RPS6KC1: variants seen among roughly 807,000 people sequenced by gnomAD.
RPS6KC1 encodes the protein ribosomal protein S6 kinase C1, also known as inactive ribosomal protein S6 kinase delta-1.
A neutral mutation model predicts 103.8 loss-of-function variants in RPS6KC1; 54 were observed. The ratio of observed to expected loss-of-function variants is 0.52; its 90% CI spans 0.42 to 0.65. The LOEUF is 0.65. Among genes scored for constraint, RPS6KC1 ranks in the 30% least tolerant of loss-of-function variants. The pLI, the probability that RPS6KC1 is intolerant of heterozygous loss-of-function variation, is 0.00. For missense variants in RPS6KC1, 1,151 were observed against 1,253.8 expected, an observed-to-expected ratio of 0.92 and a Z score of 1.24; for synonymous variants, 439 against 438.7, an observed-to-expected ratio of 1.00 and a Z score of -0.01.
At chr1:213,516,507 G>T in the RPS6KC1 span, among the ~76,000 whole-genome samples, 1 of 152,118 alleles carries the variant, frequency 6.6e-6, no homozygotes, top group African/African-American at 2.4e-5. Context: ...TTTGTCGTTG[G>T]TTCTGTTTAT....
At chr1:213,189,274 C>T (rs1317814533) in intron 8 of RPS6KC1, among the ~76,000 whole-genome samples, 1 of 151,836 alleles carries the variant, frequency 6.6e-6, no homozygotes, top group Admixed American at 6.6e-5. Context: ...CATGGTGAAA[C>T]CTTGTCTCTA....
chr1:213,523,929 T>G, the RPS6KC1 span, among the ~76,000 whole-genome samples: 1 of 151,962 alleles, frequency 6.6e-6, no homozygotes, highest in East Asian at 1.9e-4. Flanking sequence ...GGCAGACACA[T>G]GTTGCAGGCA....
chr1:213,598,734 A>G, the RPS6KC1 span, among the ~76,000 whole-genome samples: 9 of 152,224 alleles, frequency 5.9e-5, no homozygotes, highest in Admixed American at 5.9e-4. Context: ...CCTGGCCAAC[A>G]TGATGAAACC....
At chr1:213,105,217 T>A (rs2082362495) in intron 4 of RPS6KC1, among the ~76,000 whole-genome samples, 1 of 82,270 alleles carries the variant, frequency 1.2e-5, no homozygotes, top group African/African-American at 8.6e-5. Context: ...TCATTTTAAG[T>A]TTTTTTTTTT....
At chr1:213,483,244 T>G in the RPS6KC1 span, among the ~76,000 whole-genome samples, 1 of 152,024 alleles carries the variant, frequency 6.6e-6, no homozygotes, top group African/African-American at 2.4e-5. Context: ...AGCATGAGGG[T>G]AACCACCCCC....
At chr1:213,757,489 G>C in the RPS6KC1 span, among the ~76,000 whole-genome samples, 1 of 152,216 alleles carries the variant, frequency 6.6e-6, no homozygotes, top group Non-Finnish European at 1.5e-5. Context: ...TCAATTCGAT[G>C]AAGACTGGAG....
At chr1:213,705,913 A>C in the RPS6KC1 span, among the ~76,000 whole-genome samples, 17 of 152,198 alleles carry the variant, frequency 1.1e-4, 1 homozygote. Flanking sequence ...AGGGCTTCAC[A>C]ACTCTTACTG....
chr1:213,756,018 G>A, the RPS6KC1 span, among the ~76,000 whole-genome samples: 3,207 of 152,170 alleles, frequency 0.021, 115 homozygotes, highest in African/African-American at 0.073. Context: ...AATCACCACC[G>A]CTGGGCTTAC....
chr1:213,442,748 A>G, the RPS6KC1 span, among the ~76,000 whole-genome samples: 1 of 152,148 alleles, frequency 6.6e-6, no homozygotes, highest in Non-Finnish European at 1.5e-5. Context: ...TTGTTTCTGT[A>G]CACATCTCTT....
chr1:213,282,337 C>T, the RPS6KC1 span, among the ~76,000 whole-genome samples: 5 of 152,222 alleles, frequency 3.3e-5, no homozygotes, highest in Non-Finnish European at 5.9e-5. Flanking sequence ...GTTGTTGAGA[C>T]GGCTCCTTGT....
At chr1:213,745,870 A>G in the RPS6KC1 span, among the ~76,000 whole-genome samples, 1 of 152,196 alleles carries the variant, frequency 6.6e-6, no homozygotes, top group Admixed American at 6.5e-5. Flanking sequence ...GGAGAGGGGT[A>G]TGCGGATAAA....
chr1:213,284,173 T>C, the RPS6KC1 span, among the ~76,000 whole-genome samples: 97 of 152,132 alleles, frequency 6.4e-4, no homozygotes, highest in African/African-American at 2.2e-3. Context: ...AGGAAAAAAT[T>C]AGAAATTAAA....
intron 1 of RPS6KC1, among the ~76,000 whole-genome samples, chr1:213,065,739 C>T (rs1235173820): frequency 6.6e-6 from 1 of 152,168 alleles, no homozygotes; most frequent in African/African-American, 2.4e-5. Context: ...CTCCATTGTA[C>T]TGCAGTACCT....
chr1:213,602,478 C>T, the RPS6KC1 span, among the ~76,000 whole-genome samples: 1 of 151,902 alleles, frequency 6.6e-6, no homozygotes, highest in African/African-American at 2.4e-5. Flanking sequence ...GGCGTTCTGC[C>T]TGCCTCGGCC....
the RPS6KC1 span, among the ~76,000 whole-genome samples, chr1:213,630,229 G>A: frequency 8.5e-5 from 13 of 152,298 alleles, no homozygotes; most frequent in Admixed American, 1.3e-4. Flanking sequence ...CCAATCAGAC[G>A]TAGATTTGGT....
the RPS6KC1 span, among the ~76,000 whole-genome samples, chr1:213,671,825 A>T: frequency 1.7e-4 from 26 of 152,270 alleles, no homozygotes; most frequent in Middle Eastern, 3.4e-3. Flanking sequence ...CAAAGAAATG[A>T]TAACTATTCA....
intron 4 of RPS6KC1, among the ~76,000 whole-genome samples, chr1:213,114,484 C>T (rs1156291501): frequency 2.0e-5 from 3 of 151,686 alleles, no homozygotes; most frequent in African/African-American, 4.9e-5. Context: ...TCTAGATATA[C>T]AATCATGTCA....
chr1:213,277,641 G>A (rs954863895), downstream of RPS6KC1, among the ~76,000 whole-genome samples: 13 of 152,226 alleles, frequency 8.5e-5, no homozygotes, highest in African/African-American at 2.7e-4. Context: ...CTGCCTTTTA[G>A]GAAAGAATTA....
chr1:213,285,344 C>CG, the RPS6KC1 span, among the ~76,000 whole-genome samples: 1 of 7,976 alleles, frequency 1.3e-4, no homozygotes. Context: ...TGCTGTCATA[C>CG]TGGGGGGTAG....
Sources: allele counts gnomAD v4.1 joint callset (sites outside exome capture counted in the v4.1 genomes callset), GRCh38; gene constraint gnomAD v4.1.1; transcripts MANE v1.5; gene names NCBI Gene and HGNC (gene_info 2026-07-23, HGNC 2026-07-21).